Variants in OTX1 observed in about 807,000 individuals in gnomAD.
The protein encoded by OTX1 is orthodenticle homeobox 1, also known as homeobox protein OTX1.
OTX1 carries 7 observed loss-of-function variants against 26.7 expected under a neutral mutation model. The ratio of observed to expected loss-of-function variants is 0.26; its 90% CI spans 0.15 to 0.49. The LOEUF (loss-of-function observed/expected upper bound fraction) is 0.49. OTX1 is among the 20% of genes least tolerant of loss of function. The pLI, the probability that OTX1 is intolerant of heterozygous loss-of-function variation, is 0.98. For missense variants in OTX1, 414 were observed against 483.8 expected, an observed-to-expected ratio of 0.86 and a Z score of 1.35; for synonymous variants, 216 against 212.8, an observed-to-expected ratio of 1.01 and a Z score of -0.13.
chr2:63,053,314 C>T (rs926000378), intron 3 of OTX1: 23 of 441,802 alleles, frequency 5.2e-5, no homozygotes, highest in Admixed American at 3.8e-4. Flanking sequence ...GCCTTCCCGG[C>T]CGGATCACCG....
chr2:63,050,440 A>G (rs1261045275), upstream of OTX1, among the ~76,000 whole-genome samples: 1 of 152,012 alleles, frequency 6.6e-6, no homozygotes, highest in Non-Finnish European at 1.5e-5. Context: ...GAGCGAAGGA[A>G]CCGGTTCTCC....
chr2:63,049,828 T>C (rs1553525972), upstream of OTX1, among the ~76,000 whole-genome samples: 1 of 152,230 alleles, frequency 6.6e-6, no homozygotes, highest in Non-Finnish European at 1.5e-5. The surrounding 1 kb of genome is among the most constrained non-coding windows in gnomAD (Gnocchi z 4.8). Context: ...TGGGAAGTTT[T>C]TTCGGGTGGG....
In OTX1 at chr2:63,056,091, A is replaced by G. The variant is rs2062065323; in HGVS notation, c.840A>G (p.Pro280=). 4 of 1,613,508 alleles carry G rather than the reference A, an allele frequency of 2.5e-6. No individual in the cohort carries two copies. Among genetic ancestry groups the G allele is most frequent in the Non-Finnish European group, 3.4e-6 (4 of 1,179,868 alleles). The stretch of plus-strand genomic sequence containing the variant: ...TGGCGGGCCACCATCATCACCACCC[A>G]CATGCGCACCACCCGTTGAGCCAGT... ...SSMAGHHHHH[P]HAHHPLSQSS... The change falls in exon 5 of 5, where the codon CCA becomes CCG. Residue 280 remains proline (P), a synonymous_variant. Coordinates refer to ENST00000282549, the MANE Select transcript of OTX1 (RefSeq NM_014562.4).
At chr2:63,050,922 T>C (rs1487918318) in intron 1 of OTX1, 25 bp downstream of exon 1, 1 of 152,300 alleles carries the variant, frequency 6.6e-6, no homozygotes, top group African/African-American at 2.4e-5. Flanking sequence ...TTATTTAGTT[T>C]GCAAAGTGAC....
chr2:63,056,400 C>T lies in OTX1; in HGVS notation c.*84C>T, dbSNP rs1011954395. ...CTGTTGCTGCTGCTGCACCGCCCGC[C>T]TTTGCCTCGTCTTCTCCAAAACTGA... is the stretch of plus-strand genomic sequence containing the variant. On this transcript the variant is annotated 3_prime_UTR_variant, in exon 5 of 5. Coordinates refer to ENST00000282549, the MANE Select transcript of OTX1 (RefSeq NM_014562.4). 9.8e-6 allele frequency: 12 copies of T among 1,227,908 alleles called. No homozygotes were observed. Among genetic ancestry groups the T allele is most frequent in the Admixed American group, 2.2e-5 (1 of 46,128 alleles). The allele number at this position is 1,227,908 out of a possible 1,614,324, so 76.1% of individuals were successfully genotyped here. A position where few individuals can be genotyped will look rare whatever the true frequency, so the allele number is the denominator to read the frequency against.
At chr2:63,051,053 C>T (rs568894494) in intron 1 of OTX1, 156 bp downstream of exon 1, 1 of 152,366 alleles carries the variant, frequency 6.6e-6, no homozygotes, top group African/African-American at 2.4e-5. Flanking sequence ...GGCGCGATCC[C>T]AGGCGAGGCA....
chr2:63,052,905 C>T lies in OTX1; in HGVS notation c.-86C>T. The T allele has an allele frequency of 1.2e-6, 1 of 838,038 alleles. No individual in the cohort carries two copies. Among genetic ancestry groups the T allele is most frequent in the Non-Finnish European group, 2.0e-6 (1 of 511,278 alleles). The allele number at this position is 838,038 out of a possible 1,614,324, so 51.9% of individuals were successfully genotyped here. A position where few individuals can be genotyped will look rare whatever the true frequency, so the allele number is the denominator to read the frequency against. On this transcript the variant is annotated 5_prime_UTR_variant, in exon 3 of 5. Transcript: ENST00000282549. ...GCCAGGCCCCCAGACGCATCAGACC[C>T]TGAAGGACTGCGTGGTGGGAGCCCT...
intron 4 of OTX1, 36 bp downstream of exon 4, chr2:63,054,234 G>C (rs545833131): frequency 6.5e-7 from 1 of 1,536,562 alleles, no homozygotes; most frequent in Admixed American, 2.0e-5. Flanking sequence ...CTGGGTAGGG[G>C]AGCTGAGGCT....
upstream of OTX1, chr2:63,049,960 T>C (rs1389961542): frequency 5.9e-5 from 9 of 152,434 alleles, no homozygotes; most frequent in African/African-American, 2.2e-4. The surrounding 1 kb of genome is among the most constrained non-coding windows in gnomAD (Gnocchi z 4.8). Flanking sequence ...AAAGTCCCTG[T>C]TAGAGGCAGT....
rs1421271596 is a variant in OTX1 at position 63,056,409 on chromosome 2, G to C, written c.*93G>C. On this transcript the variant is annotated 3_prime_UTR_variant, in exon 5 of 5. Coordinates refer to ENST00000282549, the MANE Select transcript of OTX1 (RefSeq NM_014562.4). ...CTGCTGCACCGCCCGCCTTTGCCTC[G>C]TCTTCTCCAAAACTGAATTTTCACC... The C allele has an allele frequency of 8.7e-7, 1 of 1,154,986 alleles. No homozygotes were observed. The highest frequency in any genetic ancestry group is 1.5e-5 in the African/African-American group (1 of 64,590). The allele number at this position is 1,154,986 out of a possible 1,614,324, so 71.5% of individuals were successfully genotyped here.
At chr2:63,051,146 GA>G (rs895517119) in intron 1 of OTX1, 102 bp from the exon 2 acceptor site, 7 of 152,202 alleles carry the variant, frequency 4.6e-5, no homozygotes, top group Admixed American at 6.5e-5. Context: ...CAAAGCCATT[GA>G]AAAAAAAGAT....
rs1021222604 is a variant in OTX1 at position 63,056,049 on chromosome 2, C to T, written c.798C>T (p.Pro266=). 1 of 1,613,386 alleles carries T rather than the reference C, an allele frequency of 6.2e-7. No homozygotes were observed. Among genetic ancestry groups the T allele is most frequent in the African/African-American group, 1.3e-5 (1 of 74,920 alleles). Residue 266 remains proline, a synonymous_variant, in exon 5 of 5, where the codon CCC becomes CCT. Transcript: ENST00000282549. ...ATCACCACCCGCACCAGCTCAGCCC[C>T]ATGGCACCCTCCTCCATGGCGGGCC... ...HSHHHPHQLS[P]MAPSSMAGHH...
intron 4 of OTX1, 148 bp downstream of exon 4, chr2:63,054,346 G>A: frequency 1.3e-6 from 1 of 761,666 alleles, no homozygotes; most frequent in Non-Finnish European, 1.9e-6. Flanking sequence ...TCCCCCTAGC[G>A]CTGGGCCCCA....
Position 63,057,528 on chromosome 2 carries a change from T to C in OTX1, c.*1212T>C, listed in dbSNP as rs1364961281. 3 of 152,162 alleles carry C rather than the reference T, an allele frequency of 2.0e-5. No individual in the cohort carries two copies. Among genetic ancestry groups the C allele is most frequent in the Non-Finnish European group, 4.4e-5 (3 of 68,070 alleles). 9.4% of individuals were successfully genotyped at this position (152,162 alleles called of 1,614,324 possible). ...AACAAAATCCGTAAAAGTACAGCAT[T>C]AGGGAAAAACAAACAAACCCAGGCC... On this transcript the variant is annotated 3_prime_UTR_variant, in exon 5 of 5. Transcript: ENST00000282549.
chr2:63,055,460 A>G lies in OTX1; in HGVS notation c.250-41A>G. The G allele has an allele frequency of 1.3e-6, 2 of 1,574,334 alleles. No homozygotes were observed. Among genetic ancestry groups the G allele is most frequent in the Non-Finnish European group, 1.7e-6 (2 of 1,156,050 alleles). On this transcript the variant is annotated intron_variant, in intron 4 of 4. Transcript: ENST00000282549. The surrounding 1 kb of genome is among the most constrained non-coding windows in gnomAD (Gnocchi z 5.2). ...GGGCGGTGGAGCAACAAGCTCCCCTAGCTCCCTTTGACCCACTCTCCCCCA... is the reference window on the plus strand; with the variant it reads ...GGGCGGTGGAGCAACAAGCTCCCCTGGCTCCCTTTGACCCACTCTCCCCCA...
chr2:63,051,024 C>G (rs1163013052), intron 1 of OTX1, 127 bp downstream of exon 1: 3 of 152,260 alleles, frequency 2.0e-5, no homozygotes. Context: ...CCCTCGAATT[C>G]CCCCCCTTGC....
rs2062069324 is a variant in OTX1 at position 63,056,505 on chromosome 2, AC to A, written c.*192del. On this transcript the variant is annotated 3_prime_UTR_variant, in exon 5 of 5. Coordinates refer to ENST00000282549, the MANE Select transcript of OTX1 (RefSeq NM_014562.4). The stretch of plus-strand genomic sequence containing the variant: ...GCCACTTGCTTGGGGGGATGTGCAA[AC>A]CCACCCTGCCCCTTGGATGGGGGGA... 1 of 617,098 alleles carries A rather than the reference AC, an allele frequency of 1.6e-6. No individual in the cohort carries two copies. The highest frequency in any genetic ancestry group is 2.0e-5 in the South Asian group (1 of 50,108). The allele number at this position is 617,098 out of a possible 1,614,324, so 38.2% of individuals were successfully genotyped here. A position where few individuals can be genotyped will look rare whatever the true frequency, so the allele number is the denominator to read the frequency against.
Position 63,054,245 on chromosome 2 carries a change from G to A in OTX1, c.249+47G>A, listed in dbSNP as rs1168987453. On this transcript the variant is annotated intron_variant, in intron 4 of 4. Transcript: ENST00000282549. ...GGGTCTGGGTAGGGGAGCTGAGGCT[G>A]CTCGGGGAAGGTCTAGGAAGGCTCT... is the stretch of plus-strand genomic sequence containing the variant. 3 of 1,521,064 alleles carry A rather than the reference G, an allele frequency of 2.0e-6. No homozygotes were observed. The South Asian group carries it at 3.9e-5, about 20-fold the overall frequency. 94.2% of individuals were successfully genotyped at this position (1,521,064 alleles called of 1,614,324 possible). A position where few individuals can be genotyped will look rare whatever the true frequency, so the allele number is the denominator to read the frequency against.
chr2:63,051,550 G>A (rs1477865520), intron 2 of OTX1: 1 of 152,330 alleles, frequency 6.6e-6, no homozygotes, highest in Non-Finnish European at 1.5e-5. Flanking sequence ...TTTGGAGAAA[G>A]TCTTTGAAAA....
Sources: gnomAD v4.1 joint callset for allele counts (sites outside exome capture counted in the v4.1 genomes callset) on GRCh38, gnomAD v4.1.1 for gene constraint, Gnocchi (gnomAD v3.1) non-coding constraint, MANE v1.5 for transcripts, NCBI Gene and HGNC (gene_info 2026-07-23, HGNC 2026-07-21) for gene names.